The following SPATA17 variants were observed in gnomAD, a reference collection of about 807,000 sequenced individuals.
The protein encoded by SPATA17 is spermatogenesis associated 17.
Under a neutral mutation model 62.2 loss-of-function variants are expected in SPATA17, and 53 were observed. The observed-to-expected ratio is 0.85, with a 90% CI of 0.68 to 1.07. The LOEUF (loss-of-function observed/expected upper bound fraction) is 1.07, where lower values mean the gene tolerates loss of function less well. Among genes scored for constraint, SPATA17 ranks in the 50% least tolerant of loss-of-function variants. The probability of loss-of-function intolerance (pLI) is 0.00; values close to 1 mark genes in which losing one functional copy is unlikely to be tolerated. For missense variants in SPATA17, 466 were observed against 425.5 expected (o/e 1.10, Z -0.84); for synonymous variants, 146 against 146.8 (o/e 0.99, Z 0.04).
intron 1 of SPATA17, among the ~76,000 whole-genome samples, chr1:217,645,662 T>A (rs1670164436): frequency 6.6e-6 from 1 of 152,212 alleles, no homozygotes; most frequent in African/African-American, 2.4e-5. Context: ...GAAATTATTC[T>A]TATTTTTTCC....
In SPATA17 at chr1:217,774,436, CA is replaced by C. The variant is rs760576658; in HGVS notation, c.623del (p.Gln208ArgfsTer11). 3.1e-6 allele frequency: 5 copies of C among 1,613,984 alleles called. No homozygotes were observed. The African/African-American group carries it at 6.7e-5, about 22-fold the overall frequency. The stretch of plus-strand genomic sequence containing the variant: ...AACACACCGAAGACCTAAAGTTAAG[CA>C]GAAGGACTCCACCAGCCTTACTGAT... The part of the protein sequence containing the change: ...PLTHRRPKVK[Q>X]KDSTSLTDWL... On this transcript the variant is annotated frameshift_variant, in exon 7 of 11. Coordinates refer to ENST00000366933, the MANE Select transcript of SPATA17 (RefSeq NM_138796.4). LOFTEE classifies it high-confidence loss of function.
At chr1:217,840,062 TG>T (rs1272435285) in intron 9 of SPATA17, among the ~76,000 whole-genome samples, 2 of 152,140 alleles carry the variant, frequency 1.3e-5, no homozygotes, top group African/African-American at 2.4e-5. Flanking sequence ...ATACAATTAT[TG>T]GTACATTTTG....
chr1:217,768,176 C>T lies in SPATA17; in HGVS notation c.520-6158C>T, dbSNP rs1181787569. Among the ~76,000 whole-genome samples the T allele has an allele frequency of 3.9e-5, 6 of 152,108 alleles. No individual in the cohort carries two copies. The East Asian group carries it at 1.2e-3, about 30-fold the overall frequency. ...AGGGTAATCACTTGAACCAGGGAGG[C>T]GGAGGTTGCAGTGAGCCGAGATCGC... On this transcript the variant is annotated intron_variant, in intron 6 of 10. Coordinates refer to ENST00000366933, the MANE Select transcript of SPATA17 (RefSeq NM_138796.4).
Position 217,868,018 on chromosome 1 carries a change from C to T in SPATA17, c.*999C>T, listed in dbSNP as rs1489449952. On this transcript the variant is annotated 3_prime_UTR_variant, in exon 11 of 11. Transcript: ENST00000366933. ...TAGGCCAAATGATCTGTTTCTTCAA[C>T]AAATAAATTACAAAACTGAGGGGAA... The T allele has an allele frequency of 6.6e-6, 1 of 151,636 alleles. No individual in the cohort carries two copies. Among genetic ancestry groups the T allele is most frequent in the East Asian group, 1.9e-4 (1 of 5,168 alleles). 9.4% of individuals were successfully genotyped at this position (151,636 alleles called of 1,614,324 possible).
Position 217,634,024 on chromosome 1 carries a change from C to T in SPATA17, c.68+2578C>T, listed in dbSNP as rs138735840. 4.5e-4 allele frequency among the ~76,000 whole-genome samples: 69 copies of T among 152,186 alleles called. 1 individual carries two copies. The East Asian group carries it at 0.013, about 28-fold the overall frequency. ...AAGAATAGGAGGAGTGTGGGTTGCC[C>T]GACTGACATAATACTCTGGAAAGTT... On this transcript the variant is annotated intron_variant, in intron 1 of 10. Coordinates refer to ENST00000366933, the MANE Select transcript of SPATA17 (RefSeq NM_138796.4).
At chr1:217,705,338 T>TGCATCTATGTCAGATGCATAGATGCAAAA (rs751266108) in intron 5 of SPATA17, among the ~76,000 whole-genome samples, 6,673 of 151,652 alleles carry the variant, frequency 0.044, 222 homozygotes, top group Middle Eastern at 0.1. Flanking sequence ...AAATATTTCC[T>TGCATCTATGTCAGATGCATAGATGCAAAA]CCTATTCTGT....
intron 5 of SPATA17, among the ~76,000 whole-genome samples, chr1:217,687,201 C>G (rs992377942): frequency 6.6e-6 from 1 of 152,052 alleles, no homozygotes; most frequent in African/African-American, 2.4e-5. Flanking sequence ...GATTCGTTTC[C>G]ATGTATAATA....
At chr1:217,736,448 G>C (rs1672510914) in intron 5 of SPATA17, among the ~76,000 whole-genome samples, 1 of 152,156 alleles carries the variant, frequency 6.6e-6, no homozygotes, top group African/African-American at 2.4e-5. Flanking sequence ...ATTTTATTAA[G>C]TTATACGGAA....
intron 1 of SPATA17, among the ~76,000 whole-genome samples, chr1:217,637,462 A>G (rs1391170066): frequency 6.6e-6 from 1 of 152,150 alleles, no homozygotes. Context: ...GCAGGGGTAC[A>G]TTACTCTATG....
intron 5 of SPATA17, among the ~76,000 whole-genome samples, chr1:217,708,932 C>G (rs78636280): frequency 1.3e-5 from 2 of 151,764 alleles, no homozygotes; most frequent in Non-Finnish European, 2.9e-5. Context: ...AAACAAAAAA[C>G]AGATGATTGT....
In SPATA17 at chr1:217,772,891, T is replaced by C. The variant is rs1673487058; in HGVS notation, c.520-1443T>C. On this transcript the variant is annotated intron_variant, in intron 6 of 10. Coordinates refer to ENST00000366933, the MANE Select transcript of SPATA17 (RefSeq NM_138796.4). The stretch of plus-strand genomic sequence containing the variant: ...TGGTTATCCCCATAGTAAGGAAGCA[T>C]TTGGTATAGGACACTGCGTTTGGGA... Among the ~76,000 whole-genome samples, 6 of 152,284 alleles carry C rather than the reference T, an allele frequency of 3.9e-5. No individual in the cohort carries two copies. In the South Asian group the frequency reaches 1.2e-3, roughly 32 times the overall value.
chr1:217,641,564 A>G (rs1194903871), intron 1 of SPATA17, among the ~76,000 whole-genome samples: 2 of 152,196 alleles, frequency 1.3e-5, no homozygotes, highest in African/African-American at 2.4e-5. Context: ...AAGAAGCAAA[A>G]TAAATGTTTA....
chr1:217,671,686 G>A (rs1237519981), intron 4 of SPATA17, among the ~76,000 whole-genome samples: 2 of 152,012 alleles, frequency 1.3e-5, no homozygotes, highest in African/African-American at 4.8e-5. Context: ...AACATTTTGG[G>A]AGAGAAGCAT....
At chr1:217,638,255 C>T (rs1170896869) in intron 1 of SPATA17, among the ~76,000 whole-genome samples, 1 of 152,014 alleles carries the variant, frequency 6.6e-6, no homozygotes, top group Non-Finnish European at 1.5e-5. Context: ...TATACCTGTC[C>T]AAACTTCAGT....
intron 6 of SPATA17, among the ~76,000 whole-genome samples, chr1:217,746,812 C>A (rs1334490992): frequency 1.3e-5 from 2 of 151,608 alleles, no homozygotes; most frequent in African/African-American, 4.8e-5. Context: ...ATTAATAGAC[C>A]CCTCAGGGTT....
At chr1:217,728,482 G>A (rs1672321950) in intron 5 of SPATA17, among the ~76,000 whole-genome samples, 1 of 152,044 alleles carries the variant, frequency 6.6e-6, no homozygotes, top group Admixed American at 6.5e-5. Context: ...TTGATTGTTT[G>A]CTAAAAATCA....
At chr1:217,756,321 T>TG (rs1194358464) in intron 6 of SPATA17, among the ~76,000 whole-genome samples, 2 of 112,330 alleles carry the variant, frequency 1.8e-5, no homozygotes, top group South Asian at 2.4e-4. Flanking sequence ...ATATTTTTTG[T>TG]GGTTTTTTTT....
At chr1:217,800,117 CT>C (rs1386249987) in intron 8 of SPATA17, among the ~76,000 whole-genome samples, 3 of 151,958 alleles carry the variant, frequency 2.0e-5, no homozygotes, top group African/African-American at 7.3e-5. Context: ...GATTTCTGTC[CT>C]TCTTCCACGT....
intron 5 of SPATA17, among the ~76,000 whole-genome samples, chr1:217,722,087 G>A (rs1427116085): frequency 3.3e-5 from 5 of 152,008 alleles, no homozygotes; most frequent in Admixed American, 3.3e-4. Context: ...TTCCATGGTA[G>A]GACCTGTTCT....
Sources: gnomAD v4.1 joint callset for allele counts (sites outside exome capture counted in the v4.1 genomes callset) on GRCh38, gnomAD v4.1.1 for gene constraint, MANE v1.5 for transcripts, NCBI Gene and HGNC (gene_info 2026-07-23, HGNC 2026-07-21) for gene names.